HTR1F: variants seen among roughly 807,000 people sequenced by gnomAD.
The protein encoded by HTR1F is 5-hydroxytryptamine (serotonin) receptor 1F, G protein-coupled.
A neutral mutation model predicts 24.0 loss-of-function variants in HTR1F; 17 were observed. That is an observed-to-expected ratio of 0.71 (90% CI 0.48 to 1.06). The LOEUF (loss-of-function observed/expected upper bound fraction) is 1.06. Among genes scored for constraint, HTR1F ranks in the 50% least tolerant of loss-of-function variants. HTR1F has a pLI of 0.00. For synonymous variants in HTR1F, 186 were observed against 156.8 expected, an observed-to-expected ratio of 1.19 and a Z score of -1.39; for missense variants, 391 against 427.8, an observed-to-expected ratio of 0.91 and a Z score of 0.76.
chr3:87,870,864 C>G lies in HTR1F; in HGVS notation c.-43+48740C>G, dbSNP rs1249275320. 4.6e-5 allele frequency among the ~76,000 whole-genome samples: 7 copies of G among 151,976 alleles called. No homozygotes were observed. In the East Asian group the frequency reaches 1.4e-3, roughly 29 times the overall value. On this transcript the variant is annotated intron_variant, in intron 2 of 2. Transcript: ENST00000319595. ...TGCACAATTCCAGAGAAAATGCATG[C>G]CCCCAAAAAGTTTGAAAGGTACCCA... is the stretch of plus-strand genomic sequence containing the variant.
At chr3:87,895,042 G>A (rs1270061668) in intron 2 of HTR1F, among the ~76,000 whole-genome samples, 1 of 152,102 alleles carries the variant, frequency 6.6e-6, no homozygotes, top group East Asian at 1.9e-4. Context: ...ATTAAAGGGG[G>A]TTAACCAGTT....
At chr3:87,929,605 G>T (rs1235967287) in intron 2 of HTR1F, among the ~76,000 whole-genome samples, 1 of 152,152 alleles carries the variant, frequency 6.6e-6, no homozygotes, top group Non-Finnish European at 1.5e-5. Flanking sequence ...AGATCAGATG[G>T]TTGTAAATGT....
chr3:87,904,070 C>A (rs1211650840), intron 2 of HTR1F, among the ~76,000 whole-genome samples: 2 of 151,890 alleles, frequency 1.3e-5, no homozygotes, highest in Non-Finnish European at 2.9e-5. Context: ...AAGACTTGAA[C>A]CAATAATTCA....
intron 2 of HTR1F, among the ~76,000 whole-genome samples, chr3:87,950,351 G>T (rs1704805872): frequency 6.6e-6 from 1 of 152,150 alleles, no homozygotes; most frequent in Non-Finnish European, 1.5e-5. Context: ...CACAAGTTCT[G>T]CCTTGGACTT....
intron 2 of HTR1F, among the ~76,000 whole-genome samples, chr3:87,863,431 G>T (rs1419984777): frequency 2.6e-5 from 4 of 152,086 alleles, no homozygotes; most frequent in South Asian, 4.1e-4. Context: ...ACCCAGTTTT[G>T]ATATTTGCTT....
intron 2 of HTR1F, among the ~76,000 whole-genome samples, chr3:87,961,000 G>GCACACA (rs536116656): frequency 6.9e-6 from 1 of 144,380 alleles, no homozygotes; most frequent in African/African-American, 2.7e-5. Flanking sequence ...TTGGTATGGT[G>GCACACA]CACACACACA....
At chr3:87,972,486 T>C (rs1268868086) in intron 2 of HTR1F, among the ~76,000 whole-genome samples, 1 of 152,210 alleles carries the variant, frequency 6.6e-6, no homozygotes, top group Non-Finnish European at 1.5e-5. Context: ...AAGGTTGTGA[T>C]TAATCATCTA....
At chr3:87,986,962 C>T (rs977779124) in intron 2 of HTR1F, among the ~76,000 whole-genome samples, 18 of 151,906 alleles carry the variant, frequency 1.2e-4, no homozygotes, top group African/African-American at 3.6e-4. Context: ...GAAAATTAGC[C>T]GGGTGTGGTG....
At chr3:87,793,052 C>T (rs1873210) in intron 1 of HTR1F, among the ~76,000 whole-genome samples, 44,446 of 152,112 alleles carry the variant, frequency 0.29, 6,671 homozygotes, top group East Asian at 0.42. Flanking sequence ...CCCTTTTCTG[C>T]CCACAACCTC....
chr3:87,931,259 T>C (rs189018464), intron 2 of HTR1F, among the ~76,000 whole-genome samples: 3,842 of 152,118 alleles, frequency 0.025, 341 homozygotes, highest in Admixed American at 0.18. Flanking sequence ...CCATGTGTTC[T>C]CATTGTTCAA....
chr3:87,813,821 T>C (rs1175656341), intron 1 of HTR1F, among the ~76,000 whole-genome samples: 1 of 152,180 alleles, frequency 6.6e-6, no homozygotes. Flanking sequence ...ATATGCTCTC[T>C]CGCCTGTCAC....
At chr3:87,970,592 G>A (rs1705264803) in intron 2 of HTR1F, among the ~76,000 whole-genome samples, 1 of 152,140 alleles carries the variant, frequency 6.6e-6, no homozygotes, top group South Asian at 2.1e-4. Context: ...AAAAAATTGT[G>A]TGTACTAAGG....
intron 2 of HTR1F, among the ~76,000 whole-genome samples, chr3:87,828,774 T>C (rs1406131165): frequency 6.6e-6 from 1 of 152,206 alleles, no homozygotes; most frequent in Non-Finnish European, 1.5e-5. Context: ...TTTGAGTGCA[T>C]AGATTTTCTG....
intron 2 of HTR1F, among the ~76,000 whole-genome samples, chr3:87,918,902 G>A (rs533809034): frequency 7.9e-5 from 12 of 152,052 alleles, no homozygotes; most frequent in South Asian, 6.2e-4. Flanking sequence ...AACCAACAAA[G>A]GGCCCGCATA....
intron 2 of HTR1F, among the ~76,000 whole-genome samples, chr3:87,826,259 T>C (rs139115432): frequency 6.9e-4 from 105 of 152,336 alleles, no homozygotes; most frequent in Non-Finnish European, 4.4e-5. Flanking sequence ...GGGAACCTGT[T>C]TGATCAATGC....
At chr3:87,884,625 C>A (rs570884084) in intron 2 of HTR1F, among the ~76,000 whole-genome samples, 1 of 152,066 alleles carries the variant, frequency 6.6e-6, no homozygotes, top group Non-Finnish European at 1.5e-5. Context: ...CAGAGACACA[C>A]ATAGGCTCAA....
chr3:87,973,943 G>T (rs1316107912), intron 2 of HTR1F, among the ~76,000 whole-genome samples: 1 of 152,192 alleles, frequency 6.6e-6, no homozygotes, highest in Admixed American at 6.5e-5. Flanking sequence ...TAGGCAGGCT[G>T]CCTGTTCACC....
chr3:87,940,613 A>T (rs1301539203), intron 2 of HTR1F, among the ~76,000 whole-genome samples: 1 of 152,188 alleles, frequency 6.6e-6, no homozygotes, highest in Non-Finnish European at 1.5e-5. Context: ...TCTTCACAGA[A>T]TTAGGAAAAA....
At position 87,841,135 on chromosome 3, in the gene HTR1F, A is replaced by G. The variant is rs759633546; in HGVS notation, c.-43+19011A>G. On this transcript the variant is annotated intron_variant, in intron 2 of 2. Transcript: ENST00000319595. ...GATCATACATATGCTTATTAGCCGG[A>G]TTTAATCATTCTACATCATACACTC... Among the ~76,000 whole-genome samples, 199 of 152,098 alleles carry G rather than the reference A, an allele frequency of 1.3e-3. 1 individual carries two copies. Among genetic ancestry groups the G allele is most frequent in the Non-Finnish European group, 2.2e-3 (151 of 68,040 alleles).
Sources: allele counts gnomAD v4.1 joint callset (sites outside exome capture counted in the v4.1 genomes callset), GRCh38; gene constraint gnomAD v4.1.1; transcripts MANE v1.5; gene names NCBI Gene and HGNC (gene_info 2026-07-23, HGNC 2026-07-21).